DSCAM: variants seen among roughly 807,000 people sequenced by gnomAD.
DSCAM encodes DS cell adhesion molecule.
A neutral mutation model predicts 217.7 loss-of-function variants in DSCAM; 47 were observed. The observed-to-expected ratio is 0.22, with a 90% CI of 0.17 to 0.28. DSCAM has a LOEUF of 0.28. DSCAM is among the 10% of genes least tolerant of loss of function. DSCAM has a pLI of 1.00. For missense variants in DSCAM, 2,080 were observed against 2,618.3 expected (o/e 0.79, Z 4.49); for synonymous variants, 1,056 against 1,015.3 (o/e 1.04, Z -0.76).
intron 1 of DSCAM, among the ~76,000 whole-genome samples, chr21:40,818,364 G>A (rs1266396539): frequency 3.3e-5 from 5 of 151,310 alleles, no homozygotes; most frequent in African/African-American, 9.7e-5. Flanking sequence ...GGCTAACATG[G>A]TGAAACCCCA....
intron 2 of DSCAM, among the ~76,000 whole-genome samples, chr21:40,695,987 G>A (rs1172990196): frequency 5.3e-5 from 8 of 152,002 alleles, no homozygotes; most frequent in Non-Finnish European, 7.4e-5. Context: ...AGTCAGCCCC[G>A]AAGACAGGGG....
chr21:40,419,003 C>T (rs951687546), intron 3 of DSCAM, among the ~76,000 whole-genome samples: 4 of 152,114 alleles, frequency 2.6e-5, no homozygotes, highest in Non-Finnish European at 4.4e-5. Context: ...TGGAGTCTCG[C>T]TTTGTCACCC....
In DSCAM at chr21:40,203,143, G is replaced by A. The variant is rs1005878819; in HGVS notation, c.2357-13905C>T. Among the ~76,000 whole-genome samples the A allele has an allele frequency of 2.0e-5, 3 of 152,212 alleles. No individual in the cohort carries two copies. In the South Asian group the frequency reaches 6.2e-4, roughly 32 times the overall value. Reference sequence around the variant, plus strand: ...GAGCGGAGCCAGAATTTTAAACCATGCAGCCCATCTGTTTCCCACCTGGGT... The same window carrying A: ...GAGCGGAGCCAGAATTTTAAACCATACAGCCCATCTGTTTCCCACCTGGGT... On this transcript the variant is annotated intron_variant, in intron 11 of 32. Transcript: ENST00000400454.
At chr21:40,530,281 T>C (rs940545033) in intron 3 of DSCAM, among the ~76,000 whole-genome samples, 1 of 152,242 alleles carries the variant, frequency 6.6e-6, no homozygotes, top group South Asian at 2.1e-4. Context: ...TTAAGTCACA[T>C]ACAGATTTGA....
chr21:40,241,638 A>G (rs1031306315), intron 11 of DSCAM, among the ~76,000 whole-genome samples: 5 of 152,216 alleles, frequency 3.3e-5, no homozygotes, highest in Non-Finnish European at 5.9e-5. Flanking sequence ...CAGCAATCCC[A>G]TTACTGGGTA....
chr21:40,217,715 G>A (rs1178994673), intron 11 of DSCAM, among the ~76,000 whole-genome samples: 2 of 152,144 alleles, frequency 1.3e-5, no homozygotes, highest in African/African-American at 2.4e-5. Context: ...TCTGACTGGT[G>A]TGAGATGATA....
At chr21:40,043,603 C>A (rs1290676467) in intron 31 of DSCAM, among the ~76,000 whole-genome samples, 1 of 152,138 alleles carries the variant, frequency 6.6e-6, no homozygotes, top group African/African-American at 2.4e-5. Context: ...GGATGACTTA[C>A]CTTATAACCA....
At chr21:40,050,190 T>C (rs974215446) in intron 30 of DSCAM, among the ~76,000 whole-genome samples, 2 of 152,294 alleles carry the variant, frequency 1.3e-5, no homozygotes, top group Non-Finnish European at 2.9e-5. Context: ...CTGGAATTGA[T>C]ATTTAAATAG....
intron 16 of DSCAM, among the ~76,000 whole-genome samples, chr21:40,163,319 C>T (rs977993051): frequency 1.3e-5 from 2 of 152,174 alleles, no homozygotes; most frequent in African/African-American, 4.8e-5. Context: ...TATCAATTAT[C>T]CATAGCTTTA....
rs145465730 is a variant in DSCAM at position 40,235,611 on chromosome 21, A to G, written c.2356+40486T>C. Among the ~76,000 whole-genome samples the G allele has an allele frequency of 5.8e-3, 889 of 152,188 alleles. 10 individuals are homozygous for G. Among genetic ancestry groups the G allele is most frequent in the African/African-American group, 0.02 (839 of 41,518 alleles). ...GGCACCACACCCATGAGGGCCAAAC[A>G]CTGCCTTCCATTCAAAATGTATCTT... On this transcript the variant is annotated intron_variant, in intron 11 of 32. Transcript: ENST00000400454.
intron 1 of DSCAM, among the ~76,000 whole-genome samples, chr21:40,715,373 A>G (rs965034387): frequency 8.5e-5 from 13 of 152,336 alleles, no homozygotes; most frequent in African/African-American, 3.1e-4. Context: ...GCAGAAACCA[A>G]GAGTTTGGCC....
intron 9 of DSCAM, 83 bp from the exon 10 acceptor site, chr21:40,296,257 T>C (rs2073952740): frequency 2.8e-6 from 4 of 1,450,630 alleles, no homozygotes; most frequent in Non-Finnish European, 3.8e-6. Flanking sequence ...TGAATCATTT[T>C]AATGAATATT....
chr21:40,121,982 T>C (rs1312614832), intron 20 of DSCAM, among the ~76,000 whole-genome samples: 2 of 152,070 alleles, frequency 1.3e-5, no homozygotes, highest in Non-Finnish European at 2.9e-5. Context: ...TGAGCCACCG[T>C]GCCTTGCTGG....
intron 8 of DSCAM, among the ~76,000 whole-genome samples, chr21:40,315,738 A>G (rs1017314507): frequency 1.3e-5 from 2 of 152,222 alleles, no homozygotes; most frequent in Non-Finnish European, 2.9e-5. Flanking sequence ...AAGCTAATGC[A>G]CTAAATCTCA....
At chr21:40,103,392 C>G (rs553460829) in intron 20 of DSCAM, among the ~76,000 whole-genome samples, 20 of 152,028 alleles carry the variant, frequency 1.3e-4, no homozygotes, top group Non-Finnish European at 2.6e-4. Flanking sequence ...GGTAAGGGAA[C>G]TTTTAGAATG....
chr21:40,818,059 G>A (rs988860062), intron 1 of DSCAM, among the ~76,000 whole-genome samples: 2 of 125,266 alleles, frequency 1.6e-5, no homozygotes, highest in Non-Finnish European at 3.2e-5. Context: ...TTGCGCCACT[G>A]CAGTCCGCAG....
At chr21:40,261,523 T>C (rs533990817) in intron 11 of DSCAM, among the ~76,000 whole-genome samples, 49 of 152,092 alleles carry the variant, frequency 3.2e-4, no homozygotes, top group Non-Finnish European at 6.5e-4. Flanking sequence ...GAGTGAAACA[T>C]TGGCTCTCCT....
At chr21:40,074,301 CTTAG>C (rs1418015471) in intron 27 of DSCAM, among the ~76,000 whole-genome samples, 1 of 152,128 alleles carries the variant, frequency 6.6e-6, no homozygotes, top group Non-Finnish European at 1.5e-5. Context: ...GAAAAAGTGG[CTTAG>C]TTAAACACCC....
intron 3 of DSCAM, among the ~76,000 whole-genome samples, chr21:40,442,809 C>T (rs981689327): frequency 9.2e-5 from 14 of 152,086 alleles, no homozygotes; most frequent in African/African-American, 2.4e-4. Flanking sequence ...CATGCCTGGC[C>T]GAGTTAATTT....
Sources: gnomAD v4.1 joint callset for allele counts (sites outside exome capture counted in the v4.1 genomes callset) on GRCh38, gnomAD v4.1.1 for gene constraint, MANE v1.5 for transcripts, NCBI Gene and HGNC (gene_info 2026-07-23, HGNC 2026-07-21) for gene names.